Variants in SLC16A12 observed in about 807,000 individuals in gnomAD.
The protein encoded by SLC16A12 is solute carrier family 16 member 12.
Under a neutral mutation model 42.4 loss-of-function variants are expected in SLC16A12, and 17 were observed. That is an observed-to-expected ratio of 0.40 (90% CI 0.27 to 0.60). SLC16A12 has a LOEUF of 0.60. Among genes scored for constraint, SLC16A12 ranks in the 20% least tolerant of loss-of-function variants. The probability of loss-of-function intolerance (pLI) is 0.42; values close to 1 mark genes in which losing one functional copy is unlikely to be tolerated. For synonymous variants in SLC16A12, 224 were observed against 229.4 expected, an observed-to-expected ratio of 0.98 and a Z score of 0.21; for missense variants, 544 against 623.0, an observed-to-expected ratio of 0.87 and a Z score of 1.35.
intron 2 of SLC16A12, among the ~76,000 whole-genome samples, chr10:89,550,390 G>A (rs1178248757): frequency 6.6e-6 from 1 of 152,076 alleles, no homozygotes; most frequent in Non-Finnish European, 1.5e-5. Flanking sequence ...GTGGTGGCAG[G>A]TGCCTGTAAT....
At chr10:89,535,878 G>C (rs1004438826), upstream of SLC16A12, among the ~76,000 whole-genome samples, 2 of 152,236 alleles carry the variant, frequency 1.3e-5, no homozygotes, top group African/African-American at 4.8e-5. Context: ...AACGCCGGGA[G>C]AGGGAAGCGT....
intron 2 of SLC16A12, among the ~76,000 whole-genome samples, chr10:89,526,847 T>C (rs1843461415): frequency 6.6e-6 from 1 of 150,516 alleles, no homozygotes; most frequent in Non-Finnish European, 1.5e-5. Flanking sequence ...TAAAATCTAC[T>C]GGCCAAAATC....
chr10:89,475,863 C>T (rs930365471), intron 2 of SLC16A12, among the ~76,000 whole-genome samples: 3 of 152,162 alleles, frequency 2.0e-5, no homozygotes, highest in South Asian at 4.1e-4. Flanking sequence ...GATTCACATA[C>T]GAGGCAGACA....
chr10:89,462,841 C>A, intron 2 of SLC16A12: 1 of 455,696 alleles, frequency 2.2e-6, no homozygotes, highest in East Asian at 4.3e-5. Context: ...TGCATGTCTA[C>A]TCTATTTGAT....
chr10:89,457,946 A>G (rs1842223775), intron 3 of SLC16A12, among the ~76,000 whole-genome samples: 1 of 152,172 alleles, frequency 6.6e-6, no homozygotes, highest in South Asian at 2.1e-4. Context: ...GGGCCTGGAA[A>G]ACTCTGTAGA....
rs1248310697 is a variant in SLC16A12 at position 89,487,964 on chromosome 10, G to GTGTATA, written c.-46-25341_-46-25340insTATACA. On this transcript the variant is annotated intron_variant, in intron 2 of 7. Coordinates refer to ENST00000371790, the MANE Select transcript of SLC16A12 (RefSeq NM_213606.4). ...TGGATAAAGAAAATGTGGTGTGTGT[G>GTGTATA]TATATATATATATATATATATATAT... Among the ~76,000 whole-genome samples, 64 of 126,678 alleles carry GTGTATA rather than the reference G, an allele frequency of 5.1e-4. 1 individual carries two copies. Among genetic ancestry groups the GTGTATA allele is most frequent in the African/African-American group, 1.5e-3 (52 of 34,148 alleles). 83.1% of individuals were successfully genotyped at this position (126,678 alleles called of 152,430 possible). A position where few individuals can be genotyped will look rare whatever the true frequency, so the allele number is the denominator to read the frequency against.
chr10:89,535,289 G>C (rs1342983710), intron 1 of SLC16A12, among the ~76,000 whole-genome samples, 153 bp downstream of exon 1: 1 of 152,152 alleles, frequency 6.6e-6, no homozygotes, highest in Non-Finnish European at 1.5e-5. Context: ...CCCAAGCTGC[G>C]CGCCGACGCA....
intron 2 of SLC16A12, among the ~76,000 whole-genome samples, chr10:89,545,765 G>A (rs1843739179): frequency 6.6e-6 from 1 of 152,114 alleles, no homozygotes; most frequent in African/African-American, 2.4e-5. Context: ...ACAATCATAA[G>A]CAAAAAGAGC....
intron 3 of SLC16A12, among the ~76,000 whole-genome samples, chr10:89,461,390 T>C (rs966142632): frequency 2.0e-5 from 3 of 152,198 alleles, no homozygotes; most frequent in Non-Finnish European, 4.4e-5. Flanking sequence ...TAATGAGCCC[T>C]AGGGAGCCAA....
intron 2 of SLC16A12, among the ~76,000 whole-genome samples, chr10:89,503,645 G>A (rs1302732263): frequency 6.6e-6 from 1 of 152,174 alleles, no homozygotes; most frequent in Non-Finnish European, 1.5e-5. Flanking sequence ...AAAGACCATG[G>A]GGCCAGGTGA....
At chr10:89,514,916 C>G (rs1482313218) in intron 2 of SLC16A12, among the ~76,000 whole-genome samples, 1 of 152,080 alleles carries the variant, frequency 6.6e-6, no homozygotes, top group Non-Finnish European at 1.5e-5. Context: ...CATGGTGAAA[C>G]CTCGTCTCTA....
chr10:89,436,357 C>T (rs1189009062), intron 6 of SLC16A12, 38 bp from the exon 7 acceptor site: 12 of 1,613,162 alleles, frequency 7.4e-6, no homozygotes, highest in African/African-American at 2.7e-5. Context: ...GCAGGAGGTA[C>T]ACATTCTGTA....
chr10:89,506,744 T>C (rs1003064078), intron 2 of SLC16A12, among the ~76,000 whole-genome samples: 1 of 152,040 alleles, frequency 6.6e-6, no homozygotes, highest in African/African-American at 2.4e-5. Flanking sequence ...TTGACAGAAG[T>C]AGGCTTCAGA....
intron 2 of SLC16A12, among the ~76,000 whole-genome samples, chr10:89,509,434 T>C (rs1394368366): frequency 7.2e-5 from 11 of 152,316 alleles, no homozygotes; most frequent in Admixed American, 1.3e-4. Flanking sequence ...CAAGGCTGGT[T>C]CAACATATGC....
At chr10:89,523,575 CCT>C (rs1370715163) in intron 2 of SLC16A12, among the ~76,000 whole-genome samples, 5 of 152,160 alleles carry the variant, frequency 3.3e-5, no homozygotes, top group African/African-American at 1.2e-4. Context: ...CCTACCAACC[CCT>C]GCTTCTTAGT....
At chr10:89,546,736 A>G (rs562862802) in intron 2 of SLC16A12, among the ~76,000 whole-genome samples, 3 of 152,264 alleles carry the variant, frequency 2.0e-5, no homozygotes, top group Non-Finnish European at 4.4e-5. Flanking sequence ...ATGCACACAT[A>G]TGTTTATTGC....
chr10:89,445,443 C>G (rs543183052), intron 3 of SLC16A12, among the ~76,000 whole-genome samples: 2 of 152,204 alleles, frequency 1.3e-5, no homozygotes, highest in Admixed American at 1.3e-4. Context: ...CAGCCTCTGC[C>G]GGTGATACCA....
chr10:89,495,383 T>C (rs1842909754), intron 2 of SLC16A12, among the ~76,000 whole-genome samples: 2 of 151,736 alleles, frequency 1.3e-5, no homozygotes, highest in African/African-American at 4.8e-5. Flanking sequence ...CAAACAAACA[T>C]CACACTAGGA....
chr10:89,477,205 A>G (rs1842594945), intron 2 of SLC16A12, among the ~76,000 whole-genome samples: 1 of 152,172 alleles, frequency 6.6e-6, no homozygotes, highest in Non-Finnish European at 1.5e-5. Context: ...AGTTTGATGA[A>G]CTTTTAACAA....
Sources: gnomAD v4.1 joint callset for allele counts (sites outside exome capture counted in the v4.1 genomes callset) on GRCh38, gnomAD v4.1.1 for gene constraint, MANE v1.5 for transcripts, NCBI Gene and HGNC (gene_info 2026-07-23, HGNC 2026-07-21) for gene names.